Variants in GDPD5 observed in about 807,000 individuals in gnomAD.
GDPD5 encodes the protein glycerophosphodiester phosphodiesterase 2.
A neutral mutation model predicts 75.1 loss-of-function variants in GDPD5; 48 were observed. The ratio of observed to expected loss-of-function variants is 0.64; its 90% CI spans 0.51 to 0.81. The LOEUF (loss-of-function observed/expected upper bound fraction) is 0.81, where lower values mean the gene tolerates loss of function less well. Among genes scored for constraint, GDPD5 ranks in the 40% least tolerant of loss-of-function variants. The probability of loss-of-function intolerance (pLI) is 0.00; values close to 1 mark genes in which losing one functional copy is unlikely to be tolerated. For synonymous variants in GDPD5, 336 were observed against 339.0 expected, an observed-to-expected ratio of 0.99 and a Z score of 0.10; for missense variants, 706 against 822.6, an observed-to-expected ratio of 0.86 and a Z score of 1.73.
intron 1 of GDPD5, among the ~76,000 whole-genome samples, chr11:75,522,919 G>A (rs1051023479): frequency 2.6e-5 from 4 of 152,026 alleles, no homozygotes; most frequent in African/African-American, 7.3e-5. Flanking sequence ...GCCCCTTGCC[G>A]GTGTCCCCAA....
chr11:75,506,636 C>G (rs1373879125), intron 1 of GDPD5: 2 of 152,464 alleles, frequency 1.3e-5, no homozygotes, highest in African/African-American at 4.8e-5. Context: ...GTGATCTGAC[C>G]GAAGTCTGAG....
chr11:75,513,502 C>T (rs1565223414), intron 1 of GDPD5, among the ~76,000 whole-genome samples: 1 of 152,204 alleles, frequency 6.6e-6, no homozygotes, highest in Non-Finnish European at 1.5e-5. Context: ...AAGTCCCACA[C>T]TTCCTCCTCA....
At chr11:75,504,375 C>A (rs1210892976) in intron 1 of GDPD5, among the ~76,000 whole-genome samples, 2 of 152,280 alleles carry the variant, frequency 1.3e-5, no homozygotes, top group South Asian at 4.1e-4. Flanking sequence ...CATCCAACTT[C>A]AAAACTCCCT....
chr11:75,450,014 T>C, intron 6 of GDPD5, 31 bp from the exon 7 acceptor site: 1 of 1,589,012 alleles, frequency 6.3e-7, no homozygotes, highest in South Asian at 1.1e-5. Context: ...GGACAGAGGC[T>C]CAGAGCGGGT....
At position 75,462,789 on chromosome 11, in the gene GDPD5, T is replaced by C. The variant is rs1158988422; in HGVS notation, c.218A>G (p.Asn73Ser). The change falls in exon 4 of 17, where the codon AAC becomes AGC. Residue 73 changes from asparagine (N) to serine (S), a missense_variant. Transcript: ENST00000336898. ...CCCACCCACTGCCCCTACTCACCAG[T>C]TGAATTCATCATAGTCATTGTGGAC... ...WEVHNDYDEF[N>S]WYLYNRMGYW... The C allele has an allele frequency of 1.9e-6, 3 of 1,602,732 alleles. No individual in the cohort carries two copies. The highest frequency in any genetic ancestry group is 1.7e-6 in the Non-Finnish European group (2 of 1,171,300).
chr11:75,505,117 A>G (rs1266773877), intron 1 of GDPD5, among the ~76,000 whole-genome samples: 5 of 150,472 alleles, frequency 3.3e-5, no homozygotes, highest in Non-Finnish European at 7.4e-5. Context: ...GCGAGACTCC[A>G]TCTCAGAAAA....
chr11:75,455,827 A>G (rs568414447), intron 6 of GDPD5, among the ~76,000 whole-genome samples: 25 of 152,334 alleles, frequency 1.6e-4, no homozygotes, highest in African/African-American at 5.8e-4. Context: ...TATGCCTGCA[A>G]TGGACGTAAG....
At chr11:75,494,054 A>G (rs539446917) in intron 1 of GDPD5, among the ~76,000 whole-genome samples, 1 of 152,284 alleles carries the variant, frequency 6.6e-6, no homozygotes, top group East Asian at 1.9e-4. Flanking sequence ...AATTTAATTA[A>G]TATTTCATGT....
intron 14 of GDPD5, among the ~76,000 whole-genome samples, chr11:75,440,920 CT>C (rs1191885047): frequency 6.6e-6 from 1 of 152,184 alleles, no homozygotes; most frequent in Non-Finnish European, 1.5e-5. Flanking sequence ...CTCTTTACTT[CT>C]TTAGAGCCCT....
At chr11:75,441,354 G>A (rs1372225870) in intron 13 of GDPD5, 44 bp from the exon 14 acceptor site, 3 of 1,610,656 alleles carry the variant, frequency 1.9e-6, no homozygotes, top group Non-Finnish European at 2.5e-6. Context: ...GACCCTGGCA[G>A]CTCCAGGCCC....
chr11:75,482,037 C>T (rs1382861094), intron 2 of GDPD5, among the ~76,000 whole-genome samples: 1 of 152,112 alleles, frequency 6.6e-6, no homozygotes, highest in Admixed American at 6.5e-5. Flanking sequence ...TGGGAGCCCG[C>T]CCCAGGTTCC....
intron 1 of GDPD5, among the ~76,000 whole-genome samples, chr11:75,507,868 A>G (rs1217417496): frequency 6.6e-6 from 1 of 152,218 alleles, no homozygotes; most frequent in African/African-American, 2.4e-5. Context: ...GCCAGTCATC[A>G]GGACAGGACA....
chr11:75,524,664 G>A (rs141125635), intron 1 of GDPD5, among the ~76,000 whole-genome samples: 34 of 152,310 alleles, frequency 2.2e-4, no homozygotes, highest in African/African-American at 7.9e-4. Context: ...TAGAGACCCT[G>A]GAGTCTGACA....
intron 4 of GDPD5, among the ~76,000 whole-genome samples, chr11:75,459,636 C>T (rs906447331): frequency 6.6e-6 from 1 of 151,956 alleles, no homozygotes; most frequent in African/African-American, 2.4e-5. Flanking sequence ...CGGTGAAACC[C>T]CGTCTCTACT....
At chr11:75,490,479 C>G (rs553590003) in intron 1 of GDPD5, 159 bp from the exon 2 acceptor site, 58 of 152,470 alleles carry the variant, frequency 3.8e-4, no homozygotes, top group African/African-American at 1.3e-3. Context: ...CTGGGGAAGC[C>G]ACAAAGCTGG....
In GDPD5 at chr11:75,443,032, G is replaced by A; in HGVS notation, c.948+104C>T. Reference sequence around the variant, plus strand: ...CTTGGGTGGAGGTCGCGAAAGCTCTGAGAGTGGGGGTCTCGAAGCTGATGG... The same window carrying A: ...CTTGGGTGGAGGTCGCGAAAGCTCTAAGAGTGGGGGTCTCGAAGCTGATGG... On this transcript the variant is annotated intron_variant, in intron 11 of 16. Coordinates refer to ENST00000336898, the MANE Select transcript of GDPD5 (RefSeq NM_030792.8). 3 of 1,362,090 alleles carry A rather than the reference G, an allele frequency of 2.2e-6. No individual in the cohort carries two copies. In the South Asian group the frequency reaches 3.8e-5, roughly 17 times the overall value. The allele number at this position is 1,362,090 out of a possible 1,614,324, so 84.4% of individuals were successfully genotyped here. A position where few individuals can be genotyped will look rare whatever the true frequency, so the allele number is the denominator to read the frequency against.
Position 75,443,308 on chromosome 11 carries a change from C to T in GDPD5, c.798-22G>A, listed in dbSNP as rs143224220. 87 of 1,592,096 alleles carry T rather than the reference C, an allele frequency of 5.5e-5. No individual in the cohort carries two copies. The African/African-American group carries it at 9.1e-4, about 17-fold the overall frequency. The stretch of plus-strand genomic sequence containing the variant: ...CAGGCTGCAGGGAGGGTGGGGCCAC[C>T]GAGTCAGTGACCCCCCAGATCCTTT... On this transcript the variant is annotated intron_variant, in intron 10 of 16. Coordinates refer to ENST00000336898, the MANE Select transcript of GDPD5 (RefSeq NM_030792.8).
rs188393144 is a variant in GDPD5 at position 75,516,406 on chromosome 11, T to A, written c.-145+8804A>T. ...TCACTCTGGGTTGATGTACCCTCTCTGGCTGTGCCCAGGCAAGGAGACCAA... is the reference window on the plus strand; with the variant it reads ...TCACTCTGGGTTGATGTACCCTCTCAGGCTGTGCCCAGGCAAGGAGACCAA... On this transcript the variant is annotated intron_variant, in intron 1 of 16. Coordinates refer to ENST00000336898, the MANE Select transcript of GDPD5 (RefSeq NM_030792.8). Among the ~76,000 whole-genome samples, 498 of 152,370 alleles carry A rather than the reference T, an allele frequency of 3.3e-3. 2 individuals are homozygous for A. Among genetic ancestry groups the A allele is most frequent in the African/African-American group, 0.012 (482 of 41,582 alleles).
chr11:75,439,947 G>T lies in GDPD5; in HGVS notation c.1488C>A (p.Tyr496Ter). 1 of 1,613,710 alleles carries T rather than the reference G, an allele frequency of 6.2e-7. No homozygotes were observed. Among genetic ancestry groups the T allele is most frequent in the Non-Finnish European group, 8.5e-7 (1 of 1,179,756 alleles). The change falls in exon 15 of 17, where the codon TAC (tyrosine) becomes TAA (stop). Residue 496 changes from tyrosine to a stop codon, truncating the protein, a stop_gained. Coordinates refer to ENST00000336898, the MANE Select transcript of GDPD5 (RefSeq NM_030792.8). LOFTEE classifies it high-confidence loss of function. ...GGTCGGCAGTGACCCACATGAGACA[G>T]TACTCGTCCGGGGGCTGTGGACAGA... is the stretch of plus-strand genomic sequence containing the variant. Reference protein sequence around the residue: ...SPLWIMPPDEYCLMWVTADLV... With the variant: ...SPLWIMPPDE
Sources: gnomAD v4.1 joint callset for allele counts (sites outside exome capture counted in the v4.1 genomes callset) on GRCh38, gnomAD v4.1.1 for gene constraint, MANE v1.5 for transcripts, NCBI Gene and HGNC (gene_info 2026-07-23, HGNC 2026-07-21) for gene names.